The following ZNF140 variants were observed in gnomAD, a reference collection of about 807,000 sequenced individuals.
ZNF140 encodes the protein zinc finger protein 140 (clone pHZ-39).
Under a neutral mutation model 12.9 loss-of-function variants are expected in ZNF140, and 13 were observed. The observed-to-expected ratio is 1.01, with a 90% CI of 0.66 to 1.60. ZNF140 has a LOEUF of 1.60. ZNF140 is among the 40% of genes most tolerant of loss of function. ZNF140 has a pLI of 0.00. For synonymous variants in ZNF140, 214 were observed against 186.7 expected, an observed-to-expected ratio of 1.15 and a Z score of -1.19; for missense variants, 531 against 548.8, an observed-to-expected ratio of 0.97 and a Z score of 0.32.
Position 133,081,256 on chromosome 12 carries a change from C to T in ZNF140, c.-48-17C>T. ...TAGCTGGCCTGTTCGCTCAGGGCTC[C>T]TTTCTCTCTCTGCCAGGTCTGCCAT... On this transcript the variant is annotated splice_polypyrimidine_tract_variant and intron_variant, in intron 1 of 4. Transcript: ENST00000355557. The T allele has an allele frequency of 6.7e-7, 1 of 1,488,268 alleles. No individual in the cohort carries two copies. The highest frequency in any genetic ancestry group is 9.2e-7 in the Non-Finnish European group (1 of 1,090,120). The allele number at this position is 1,488,268 out of a possible 1,614,324, so 92.2% of individuals were successfully genotyped here.
intron 4 of ZNF140, among the ~76,000 whole-genome samples, chr12:133,091,409 TG>T (rs1411014253): frequency 2.0e-5 from 3 of 151,314 alleles, no homozygotes; most frequent in African/African-American, 7.4e-5. Flanking sequence ...TCAAAGTGGC[TG>T]GGGAAAGCTA....
Position 133,106,167 on chromosome 12 carries a change from G to A in ZNF140, c.890G>A (p.Gly297Glu), listed in dbSNP as rs201722763. 6.2e-7 allele frequency: 1 copy of A among 1,614,174 alleles called. No individual in the cohort carries two copies. The highest frequency in any genetic ancestry group is 1.3e-5 in the African/African-American group (1 of 75,064). ...ELIRHQITHTGEKPYECIECG... is the reference protein window; with the variant it reads ...ELIRHQITHTEEKPYECIECG... Reference sequence around the variant, plus strand: ...ATTCGCCACCAGATTACACATACTGGAGAGAAACCTTATGAATGCATTGAA... The same window carrying A: ...ATTCGCCACCAGATTACACATACTGAAGAGAAACCTTATGAATGCATTGAA... The change falls in exon 5 of 5, where the codon GGA becomes GAA. Residue 297 changes from glycine (G) to glutamate (E), a missense_variant. Transcript: ENST00000355557.
chr12:133,096,096 AT>A (rs1955108929), intron 4 of ZNF140, among the ~76,000 whole-genome samples: 1 of 151,560 alleles, frequency 6.6e-6, no homozygotes, highest in Admixed American at 6.6e-5. Context: ...CCACGAGGCC[AT>A]ATTTCAGACT....
chr12:133,085,883 G>A (rs1314489583), intron 4 of ZNF140, among the ~76,000 whole-genome samples: 1 of 152,134 alleles, frequency 6.6e-6, no homozygotes, highest in Non-Finnish European at 1.5e-5. Flanking sequence ...GCTAGGCATG[G>A]TGGCATGTGC....
Position 133,083,547 on chromosome 12 carries a change from G to C in ZNF140, c.218G>C (p.Arg73Thr), listed in dbSNP as rs1171940667. ...EPWLGKREVKRDLFSVSESSG... is the reference protein window; with the variant it reads ...EPWLGKREVKTDLFSVSESSG... ...TGGCTGGGGAAAAGGGAAGTGAAAA[G>C]AGATCTGTTTTCAGGTGAGTGAGTT... Residue 73 changes from arginine (R) to threonine (T), a missense_variant, in exon 4 of 5, where the codon AGA becomes ACA. Transcript: ENST00000355557. 3 of 1,614,080 alleles carry C rather than the reference G, an allele frequency of 1.9e-6. No homozygotes were observed. Among genetic ancestry groups the C allele is most frequent in the African/African-American group, 2.7e-5 (2 of 75,016 alleles).
rs1954474525 is a variant in ZNF140 at position 133,081,348 on chromosome 12, A to ATAT, written c.9+19_9+20insTAT. 43 of 318,816 alleles carry ATAT rather than the reference A, an allele frequency of 1.3e-4. No homozygotes were observed. The highest frequency in any genetic ancestry group is 3.2e-4 in the East Asian group (4 of 12,378). The allele number at this position is 318,816 out of a possible 1,614,324, so 19.7% of individuals were successfully genotyped here. On this transcript the variant is annotated intron_variant, in intron 2 of 4. Coordinates refer to ENST00000355557, the MANE Select transcript of ZNF140 (RefSeq NM_003440.4). ...GTCTCAGGTAAGCTAATGATTGATA[A>ATAT]ATATATATATATATATATATATAAA...
chr12:133,103,495 C>CA (rs1467547304), intron 4 of ZNF140, among the ~76,000 whole-genome samples: 1 of 150,358 alleles, frequency 6.7e-6, no homozygotes, highest in Non-Finnish European at 1.5e-5. Flanking sequence ...AGGCTGGTCT[C>CA]AAACTCTAGG....
At chr12:133,097,851 T>TGTGTGTGTGTGTGTGTGTG (rs1219923897) in intron 4 of ZNF140, among the ~76,000 whole-genome samples, 127 of 78,650 alleles carry the variant, frequency 1.6e-3, no homozygotes, top group African/African-American at 4.9e-3. Flanking sequence ...GTGTGTGTGT[T>TGTGTGTGTGTGTGTGTGTG]TTTGAGATGA....
At chr12:133,095,512 A>G (rs931892403) in intron 4 of ZNF140, among the ~76,000 whole-genome samples, 3 of 151,208 alleles carry the variant, frequency 2.0e-5, no homozygotes, top group African/African-American at 4.9e-5. Flanking sequence ...GGGTATTTCT[A>G]GTCGGGTGGG....
intron 4 of ZNF140, among the ~76,000 whole-genome samples, chr12:133,099,285 G>A (rs1955247681): frequency 6.6e-6 from 1 of 152,090 alleles, no homozygotes; most frequent in Non-Finnish European, 1.5e-5. Context: ...ACATTGTCCT[G>A]CCTCAGCTTC....
At chr12:133,095,758 A>C (rs370530294) in intron 4 of ZNF140, among the ~76,000 whole-genome samples, 340 of 151,018 alleles carry the variant, frequency 2.3e-3, no homozygotes, top group East Asian at 0.016. Flanking sequence ...TGTCATAATT[A>C]GGTTTAAGGG....
At chr12:133,083,017 C>T (rs1954555175) in intron 2 of ZNF140, 86 bp from the exon 3 acceptor site, 1 of 1,600,672 alleles carries the variant, frequency 6.2e-7, no homozygotes, top group Non-Finnish European at 8.5e-7. Flanking sequence ...ATTGCCTAAC[C>T]TCCACAGTGA....
intron 4 of ZNF140, among the ~76,000 whole-genome samples, chr12:133,094,603 CTATTT>C (rs1955001263): frequency 6.6e-6 from 1 of 151,152 alleles, no homozygotes; most frequent in Non-Finnish European, 1.5e-5. Flanking sequence ...AGTTTTTTAA[CTATTT>C]TATGTAACAC....
At position 133,086,074 on chromosome 12, in the gene ZNF140, C is replaced by T. The variant is rs953078132; in HGVS notation, c.232+2513C>T. Among the ~76,000 whole-genome samples the T allele has an allele frequency of 2.0e-5, 3 of 152,170 alleles. No homozygotes were observed. In the South Asian group the frequency reaches 6.2e-4, roughly 32 times the overall value. ...TGCTCTAATAGTTTTTTTCATTGTACGATAAGTATACCACAATTTATTCGT... is the reference window on the plus strand; with the variant it reads ...TGCTCTAATAGTTTTTTTCATTGTATGATAAGTATACCACAATTTATTCGT... On this transcript the variant is annotated intron_variant, in intron 4 of 4. Coordinates refer to ENST00000355557, the MANE Select transcript of ZNF140 (RefSeq NM_003440.4).
At chr12:133,097,107 A>G (rs1310420884) in intron 4 of ZNF140, among the ~76,000 whole-genome samples, 1 of 152,196 alleles carries the variant, frequency 6.6e-6, no homozygotes, top group South Asian at 2.1e-4. Context: ...TCATTATGCA[A>G]TGCTCTTCTT....
intron 4 of ZNF140, among the ~76,000 whole-genome samples, chr12:133,096,262 C>T (rs1413067013): frequency 2.7e-4 from 41 of 152,054 alleles, no homozygotes; most frequent in Non-Finnish European, 5.4e-4. Flanking sequence ...TAACAAGGCA[C>T]GTCCTGCACA....
In ZNF140 at chr12:133,089,434, G is replaced by A. The variant is rs947297959; in HGVS notation, c.232+5873G>A. ...TCACCATGTTGCCCAGGCTAGTCTT[G>A]AATTCCTAGGTTCAAGCAATCTGCC... On this transcript the variant is annotated intron_variant, in intron 4 of 4. Transcript: ENST00000355557. 2.0e-5 allele frequency among the ~76,000 whole-genome samples: 3 copies of A among 152,140 alleles called. No homozygotes were observed. In the South Asian group the frequency reaches 6.2e-4, roughly 32 times the overall value.
At position 133,081,328 on chromosome 12, in the gene ZNF140, A is replaced by C; in HGVS notation, c.8A>C (p.Gln3Pro). MSQGSVTFRDVAI... is the reference protein window; with the variant it reads MSPGSVTFRDVAI... ...CCTTCCCTTCTGTGAGCTATGTCTC[A>C]GGTAAGCTAATGATTGATAAATATA... is the stretch of plus-strand genomic sequence containing the variant. The change falls in exon 2 of 5, where the codon CAG becomes CCG. Residue 3 changes from glutamine to proline, a missense_variant and splice_region_variant. By Grantham distance (76) the Gln-to-Pro change is moderately conservative. Transcript: ENST00000355557. 2.3e-6 allele frequency: 3 copies of C among 1,318,828 alleles called. No individual in the cohort carries two copies. The highest frequency in any genetic ancestry group is 3.1e-6 in the Non-Finnish European group (3 of 954,220). 81.7% of individuals were successfully genotyped at this position (1,318,828 alleles called of 1,614,324 possible).
intron 2 of ZNF140, 167 bp from the exon 3 acceptor site, chr12:133,082,935 AC>A: frequency 2.2e-6 from 2 of 928,942 alleles, no homozygotes. Flanking sequence ...ATACAACAAA[AC>A]ACAAGAGCTA....
Sources: allele counts gnomAD v4.1 joint callset (sites outside exome capture counted in the v4.1 genomes callset), GRCh38; gene constraint gnomAD v4.1.1; transcripts MANE v1.5; gene names NCBI Gene and HGNC (gene_info 2026-07-23, HGNC 2026-07-21).